The following PPP2CB variants were observed in gnomAD, a reference collection of about 807,000 sequenced individuals.
PPP2CB encodes protein phosphatase 2 catalytic subunit beta.
In PPP2CB, 18 loss-of-function variants were observed where a neutral mutation model predicts 39.1. The ratio of observed to expected loss-of-function variants is 0.46; its 90% confidence interval spans 0.32 to 0.68. The LOEUF is 0.68. Ranked by LOEUF, PPP2CB falls within the 30% of genes least tolerant of loss-of-function variation. PPP2CB has a pLI of 0.04. For missense variants in PPP2CB, 226 were observed against 396.9 expected (o/e 0.57, Z 3.66); for synonymous variants, 129 against 133.8 (o/e 0.96, Z 0.25).
At chr8:30,812,285 C>T (rs554267209) in intron 1 of PPP2CB, 35 bp downstream of exon 1, 1 of 1,457,276 alleles carries the variant, frequency 6.9e-7, no homozygotes, top group Non-Finnish European at 9.1e-7. Flanking sequence ...CGTCCCAGCC[C>T]CGCGCTCCCG....
rs1806422117 is a variant in PPP2CB at position 30,791,200 on chromosome 8, G to T, written c.854C>A (p.Ser285Tyr). ...ATTAAAATTTACAGTTACTCACAAG[G>T]AATATTTTAAAGTGTCATCTAATTC... Reference protein sequence around the residue: ...IMELDDTLKYSFLQFDPAPRR... With the variant: ...IMELDDTLKYYFLQFDPAPRR... Residue 285 changes from serine (S) to tyrosine (Y), a missense_variant, in exon 6 of 7, where the codon TCC becomes TAC. Ser to Tyr is a moderately radical substitution (Grantham distance 144). This residue lies in a region of PPP2CB where 56 missense variants were observed against 92.0 expected (regional missense o/e 0.61). Coordinates refer to ENST00000221138, the MANE Select transcript of PPP2CB (RefSeq NM_001009552.2). 1.9e-6 allele frequency: 3 copies of T among 1,583,158 alleles called. No homozygotes were observed. The highest frequency in any genetic ancestry group is 2.6e-6 in the Non-Finnish European group (3 of 1,160,772).
intron 1 of PPP2CB, among the ~76,000 whole-genome samples, chr8:30,804,668 A>C (rs1806688721): frequency 6.6e-6 from 1 of 152,204 alleles, no homozygotes. Context: ...TATTGGTGCC[A>C]AAACTGAGGC....
chr8:30,801,337 C>T lies in PPP2CB; in HGVS notation c.103-1582G>A, dbSNP rs189907753. Among the ~76,000 whole-genome samples the T allele has an allele frequency of 1.2e-4, 18 of 152,088 alleles. No homozygotes were observed. The East Asian group carries it at 3.3e-3, about 28-fold the overall frequency. ...CACGAGGTCAGGAGATTGAGACCAT[C>T]CTGGCTAACACAGTGAAACCCCATC... On this transcript the variant is annotated intron_variant, in intron 1 of 6. Transcript: ENST00000221138.
chr8:30,807,286 C>T (rs148179987), intron 1 of PPP2CB, among the ~76,000 whole-genome samples: 3 of 152,162 alleles, frequency 2.0e-5, no homozygotes, highest in Admixed American at 2.0e-4. Flanking sequence ...ATTTTTTAAG[C>T]TGTAATCAAT....
intron 1 of PPP2CB, among the ~76,000 whole-genome samples, chr8:30,806,042 T>C (rs1485414402): frequency 1.3e-5 from 2 of 151,082 alleles, no homozygotes; most frequent in African/African-American, 4.9e-5. Context: ...CCAGGGTTAA[T>C]ATGATTTTTT....
chr8:30,804,381 C>T (rs961492231), intron 1 of PPP2CB, among the ~76,000 whole-genome samples: 4 of 152,140 alleles, frequency 2.6e-5, no homozygotes, highest in African/African-American at 9.7e-5. Context: ...AGATCTCTGC[C>T]TGGGGGCTCT....
chr8:30,802,120 C>T (rs1806636922), intron 1 of PPP2CB, among the ~76,000 whole-genome samples: 1 of 152,068 alleles, frequency 6.6e-6, no homozygotes. Context: ...ACAATGTAGC[C>T]CATACTTTCT....
chr8:30,812,374 C>T lies in PPP2CB; in HGVS notation c.48G>A (p.Gln16=). The change falls in exon 1 of 7, where the codon CAG becomes CAA. Residue 16 remains glutamine, a synonymous_variant. Transcript: ENST00000221138. ...FTKELDQWVE[Q]LNECKQLNEN... ...CGTTCAGCTGCTTACACTCGTTCAG[C>T]TGCTCGACCCACTGGTCCAGCTCCT... 6.4e-7 allele frequency: 1 copy of T among 1,563,182 alleles called. No homozygotes were observed. The highest frequency in any genetic ancestry group is 8.7e-7 in the Non-Finnish European group (1 of 1,151,744).
intron 1 of PPP2CB, among the ~76,000 whole-genome samples, chr8:30,811,762 G>A (rs1020325569): frequency 1.3e-5 from 2 of 152,096 alleles, no homozygotes; most frequent in African/African-American, 2.4e-5. Flanking sequence ...TCAGCCTCCC[G>A]AGTAGCTGTG....
At chr8:30,797,524 T>C (rs1023157905) in intron 3 of PPP2CB, 57 bp downstream of exon 3, 46 of 1,478,894 alleles carry the variant, frequency 3.1e-5, no homozygotes, top group Middle Eastern at 1.8e-4. Flanking sequence ...AGCTTACCAA[T>C]AGTCAATCTC....
chr8:30,808,288 A>G (rs1358942532), intron 1 of PPP2CB, among the ~76,000 whole-genome samples: 2 of 152,042 alleles, frequency 1.3e-5, no homozygotes, highest in Admixed American at 1.3e-4. Context: ...TAGTAGAGAT[A>G]GGGTTTTACC....
At chr8:30,812,258 G>C (rs1586130546) in intron 1 of PPP2CB, 62 bp downstream of exon 1, 2 of 1,286,576 alleles carry the variant, frequency 1.6e-6, no homozygotes, top group East Asian at 7.0e-5. Flanking sequence ...ACCGGGGCGG[G>C]CAGGAAAGCG....
intron 6 of PPP2CB, among the ~76,000 whole-genome samples, chr8:30,788,932 G>A (rs1586119947): frequency 6.6e-6 from 1 of 152,294 alleles, no homozygotes; most frequent in African/African-American, 2.4e-5. Context: ...TGTCCTTGGG[G>A]ACTGATCTTG....
intron 3 of PPP2CB, among the ~76,000 whole-genome samples, chr8:30,795,753 G>A (rs1806512435): frequency 2.0e-5 from 3 of 152,180 alleles, no homozygotes; most frequent in Admixed American, 6.5e-5. Context: ...ATTTCTGCAA[G>A]CCAATTTTAA....
Position 30,812,450 on chromosome 8 carries a change from GC to G in PPP2CB, c.-30del. The G allele has an allele frequency of 2.0e-6, 3 of 1,466,434 alleles. No homozygotes were observed. Among genetic ancestry groups the G allele is most frequent in the Non-Finnish European group, 1.8e-6 (2 of 1,101,172 alleles). 90.8% of individuals were successfully genotyped at this position (1,466,434 alleles called of 1,614,324 possible). ...GGCCCGATCCCGATGCGGATCCCGA[GC>G]CCCAGCCCGGCCGCCGCCCTCCCCC... On this transcript the variant is annotated 5_prime_UTR_variant, in exon 1 of 7. Transcript: ENST00000221138.
rs192421040 is a variant in PPP2CB at position 30,805,140 on chromosome 8, C to T, written c.103-5385G>A. On this transcript the variant is annotated intron_variant, in intron 1 of 6. Transcript: ENST00000221138. ...CTTCTTCACTGCCCACAGGAACAAG[C>T]GCCTCTTTTGCTACTCAAGCCAAGT... 3.6e-4 allele frequency among the ~76,000 whole-genome samples: 55 copies of T among 152,312 alleles called. 1 individual carries two copies. Among genetic ancestry groups the T allele is most frequent in the Admixed American group, 3.0e-3 (46 of 15,304 alleles).
At chr8:30,788,023 A>C (rs1389723198) in intron 6 of PPP2CB, among the ~76,000 whole-genome samples, 1 of 152,142 alleles carries the variant, frequency 6.6e-6, no homozygotes, top group African/African-American at 2.4e-5. Flanking sequence ...TATTTCAGTA[A>C]GGTCTCTAGT....
chr8:30,809,933 T>TCCCCCC (rs11319734), intron 1 of PPP2CB: 2 of 144,510 alleles, frequency 1.4e-5, no homozygotes, highest in African/African-American at 5.0e-5. Context: ...CAAGACTGCG[T>TCCCCCC]CCCCCCCCCG....
chr8:30,788,318 T>C (rs1284930715), intron 6 of PPP2CB, among the ~76,000 whole-genome samples: 1 of 152,068 alleles, frequency 6.6e-6, no homozygotes, highest in Non-Finnish European at 1.5e-5. Context: ...GGCTGTAGTG[T>C]AGTGCTGTGA....
Sources: allele counts gnomAD v4.1 joint callset (sites outside exome capture counted in the v4.1 genomes callset), GRCh38; gene constraint gnomAD v4.1.1; regional missense constraint gnomAD v4.1.1; transcripts MANE v1.5; gene names NCBI Gene and HGNC (gene_info 2026-07-23, HGNC 2026-07-21).